PDE11A: variants seen among roughly 807,000 people sequenced by gnomAD.
The protein encoded by PDE11A is phosphodiesterase 11A.
In PDE11A, 100 loss-of-function variants were observed where a neutral mutation model predicts 100.5. The ratio of observed to expected loss-of-function variants is 1.00; its 90% CI spans 0.85 to 1.18. The LOEUF (loss-of-function observed/expected upper bound fraction) is 1.18. Ranked by LOEUF, PDE11A falls within the 50% of genes most tolerant of loss-of-function variation. The probability of loss-of-function intolerance (pLI) is 0.00; values close to 1 mark genes in which losing one functional copy is unlikely to be tolerated. For missense variants in PDE11A, 1,141 were observed against 1,152.6 expected, an observed-to-expected ratio of 0.99 and a Z score of 0.15; for synonymous variants, 381 against 420.8, an observed-to-expected ratio of 0.91 and a Z score of 1.16.
At chr2:177,814,065 T>G (rs74460168) in intron 9 of PDE11A, among the ~76,000 whole-genome samples, 2 of 152,014 alleles carry the variant, frequency 1.3e-5, no homozygotes, top group Non-Finnish European at 2.9e-5. Context: ...ATAGGAATGA[T>G]AGAAGGGTAA....
chr2:178,095,014 G>C (rs918831644), intron 2 of PDE11A, among the ~76,000 whole-genome samples: 2 of 152,058 alleles, frequency 1.3e-5, no homozygotes. Context: ...ATGAGATTTG[G>C]GTGGGGACAC....
rs1200596257 is a variant in PDE11A at position 177,627,671 on chromosome 2, C to G, written c.*1736G>C. 2 of 152,008 alleles carry G rather than the reference C, an allele frequency of 1.3e-5. No individual in the cohort carries two copies. Among genetic ancestry groups the G allele is most frequent in the African/African-American group, 4.8e-5 (2 of 41,374 alleles). The allele number at this position is 152,008 out of a possible 1,614,324, so 9.4% of individuals were successfully genotyped here. ...GATCAGCCTGGCAAACATGGTGAAACCCTGTGTCTACTAAAAGTACAAAAA... is the reference window on the plus strand; with the variant it reads ...GATCAGCCTGGCAAACATGGTGAAAGCCTGTGTCTACTAAAAGTACAAAAA... On this transcript the variant is annotated 3_prime_UTR_variant, in exon 20 of 20. Coordinates refer to ENST00000286063, the MANE Select transcript of PDE11A (RefSeq NM_016953.4).
intron 1 of PDE11A, among the ~76,000 whole-genome samples, chr2:178,038,512 T>A (rs1163484396): frequency 6.6e-6 from 1 of 151,828 alleles, no homozygotes; most frequent in Non-Finnish European, 1.5e-5. Context: ...AGAATATATA[T>A]GTATATAAGG....
At chr2:177,874,180 T>C (rs1318857777) in intron 5 of PDE11A, among the ~76,000 whole-genome samples, 1 of 152,220 alleles carries the variant, frequency 6.6e-6, no homozygotes, top group Non-Finnish European at 1.5e-5. Context: ...ACCTTGTCCT[T>C]GGTGGCTACC....
intron 1 of PDE11A, among the ~76,000 whole-genome samples, chr2:178,051,412 A>G (rs13011140): frequency 0.29 from 44,213 of 152,084 alleles, 6,579 homozygotes; most frequent in Non-Finnish European, 0.31. Flanking sequence ...ATGCCAAATT[A>G]TAAAGACCAT....
At chr2:178,053,453 G>C (rs567074050) in intron 1 of PDE11A, among the ~76,000 whole-genome samples, 460 of 152,220 alleles carry the variant, frequency 3.0e-3, no homozygotes, top group African/African-American at 0.01. Flanking sequence ...AAAACTGGCA[G>C]AAGACAGGGA....
At chr2:177,812,089 C>T (rs1395067787) in intron 9 of PDE11A, among the ~76,000 whole-genome samples, 2 of 152,138 alleles carry the variant, frequency 1.3e-5, no homozygotes, top group African/African-American at 2.4e-5. Context: ...TTATTAAGTA[C>T]CAGTTGTAAC....
chr2:177,850,738 C>G (rs1047594640), intron 5 of PDE11A, among the ~76,000 whole-genome samples: 1 of 152,192 alleles, frequency 6.6e-6, no homozygotes, highest in Non-Finnish European at 1.5e-5. Flanking sequence ...TATGAACAGA[C>G]ACTTCTCAAA....
chr2:177,840,709 C>T (rs1174608311), intron 5 of PDE11A, among the ~76,000 whole-genome samples: 2 of 152,142 alleles, frequency 1.3e-5, no homozygotes, highest in African/African-American at 4.8e-5. Context: ...TAATAAAATT[C>T]CATCAACTTC....
chr2:177,635,525 C>T (rs979548864), intron 19 of PDE11A, among the ~76,000 whole-genome samples: 1 of 152,172 alleles, frequency 6.6e-6, no homozygotes. Context: ...CTGTTGAGTT[C>T]TCTTGTGACC....
chr2:177,913,158 T>C (rs1167048177), intron 2 of PDE11A, among the ~76,000 whole-genome samples: 1 of 152,328 alleles, frequency 6.6e-6, no homozygotes, highest in East Asian at 1.9e-4. Context: ...ACTCTGTTCA[T>C]GGTATGGATT....
chr2:177,925,224 T>C (rs1311029959), intron 2 of PDE11A, among the ~76,000 whole-genome samples: 1 of 151,502 alleles, frequency 6.6e-6, no homozygotes, highest in African/African-American at 2.4e-5. Context: ...CCATGATTTA[T>C]AGTCCTTTGG....
intron 2 of PDE11A, among the ~76,000 whole-genome samples, chr2:178,001,275 AGTGTGTGTGTGTGTGTGT>A (rs57136586): frequency 7.1e-6 from 1 of 140,656 alleles, no homozygotes; most frequent in Non-Finnish European, 1.6e-5. Context: ...ACAATGTGAA[AGTGTGTGTGTGTGTGTGT>A]GTGTGTGTGT....
At chr2:177,831,602 T>C (rs559328550) in intron 6 of PDE11A, among the ~76,000 whole-genome samples, 6 of 152,300 alleles carry the variant, frequency 3.9e-5, no homozygotes, top group South Asian at 2.1e-4. Flanking sequence ...AGTGGGTGTA[T>C]TGGGATCAGC....
intron 2 of PDE11A, among the ~76,000 whole-genome samples, chr2:177,988,212 A>G (rs1167002764): frequency 6.6e-6 from 1 of 152,214 alleles, no homozygotes; most frequent in East Asian, 1.9e-4. Flanking sequence ...TGGTATTCAC[A>G]GTCACCTCTT....
chr2:177,643,863 A>C (rs1255226943), intron 19 of PDE11A, among the ~76,000 whole-genome samples: 1 of 152,250 alleles, frequency 6.6e-6, no homozygotes, highest in Non-Finnish European at 1.5e-5. Context: ...AAAAGGGGCC[A>C]AGGTACAGCT....
chr2:177,696,023 G>A (rs900327902), intron 15 of PDE11A, among the ~76,000 whole-genome samples: 1 of 152,180 alleles, frequency 6.6e-6, no homozygotes, highest in Non-Finnish European at 1.5e-5. Flanking sequence ...ATTACACAGG[G>A]TGTTCCAAAG....
At position 177,769,391 on chromosome 2, in the gene PDE11A, A is replaced by G. The variant is rs763911067; in HGVS notation, c.1738-18T>C. The G allele has an allele frequency of 1.3e-6, 2 of 1,498,648 alleles. No individual in the cohort carries two copies. Among genetic ancestry groups the G allele is most frequent in the Non-Finnish European group, 1.9e-6 (2 of 1,075,114 alleles). The allele number at this position is 1,498,648 out of a possible 1,614,324, so 92.8% of individuals were successfully genotyped here. ...GATAGCACCTGATTCAGAAGAAAAAAAAATAATTTTAATAACTAGACATGA... is the reference window on the plus strand; with the variant it reads ...GATAGCACCTGATTCAGAAGAAAAAGAAATAATTTTAATAACTAGACATGA... On this transcript the variant is annotated intron_variant, in intron 9 of 19. Coordinates refer to ENST00000286063, the MANE Select transcript of PDE11A (RefSeq NM_016953.4).
chr2:177,910,939 G>T (rs2084871760), intron 2 of PDE11A, among the ~76,000 whole-genome samples: 1 of 152,156 alleles, frequency 6.6e-6, no homozygotes, highest in Non-Finnish European at 1.5e-5. Flanking sequence ...TTAGTGAAGG[G>T]GGCCATCCCG....
Sources: allele counts gnomAD v4.1 joint callset (sites outside exome capture counted in the v4.1 genomes callset), GRCh38; gene constraint gnomAD v4.1.1; transcripts MANE v1.5; gene names NCBI Gene and HGNC (gene_info 2026-07-23, HGNC 2026-07-21).